Variants in WDR72 observed in about 807,000 individuals in gnomAD.
WDR72 encodes WD repeat domain 72.
A neutral mutation model predicts 124.2 loss-of-function variants in WDR72; 120 were observed. The ratio of observed to expected loss-of-function variants is 0.97; its 90% confidence interval spans 0.83 to 1.12. The LOEUF (loss-of-function observed/expected upper bound fraction) is 1.12, where lower values mean the gene tolerates loss of function less well. Among genes scored for constraint, WDR72 ranks in the 50% most tolerant of loss-of-function variants. The pLI, the probability that WDR72 is intolerant of heterozygous loss-of-function variation, is 0.00. For missense variants in WDR72, 1,387 were observed against 1,278.8 expected (o/e 1.08, Z -1.29); for synonymous variants, 452 against 441.7 (o/e 1.02, Z -0.29).
chr15:53,669,752 T>C (rs2015924677), intron 13 of WDR72, among the ~76,000 whole-genome samples: 1 of 152,294 alleles, frequency 6.6e-6, no homozygotes, highest in Non-Finnish European at 1.5e-5. Context: ...ACAAGGAAGA[T>C]TTCCAACAAG....
chr15:53,650,729 G>A (rs1595819751), intron 14 of WDR72, among the ~76,000 whole-genome samples: 1 of 152,002 alleles, frequency 6.6e-6, no homozygotes, highest in East Asian at 1.9e-4. Flanking sequence ...GGCACTTTGG[G>A]ATATAGGTCA....
At chr15:53,637,567 C>G (rs571763616) in intron 14 of WDR72, among the ~76,000 whole-genome samples, 1 of 152,128 alleles carries the variant, frequency 6.6e-6, no homozygotes, top group South Asian at 2.1e-4. Context: ...TTCTTTTTTC[C>G]TTTCCTGTCT....
In WDR72 at chr15:53,637,041, C is replaced by G. The variant is rs1426166619; in HGVS notation, c.1963-20798G>C. Among the ~76,000 whole-genome samples the G allele has an allele frequency of 5.3e-5, 8 of 152,292 alleles. No homozygotes were observed. The South Asian group carries it at 1.2e-3, about 24-fold the overall frequency. The stretch of plus-strand genomic sequence containing the variant: ...CATTGCCACTCCCACCATTAACCTA[C>G]TTTCTATGGCTACAGATTTTCCTTT... On this transcript the variant is annotated intron_variant, in intron 14 of 19. Coordinates refer to ENST00000360509, the MANE Select transcript of WDR72 (RefSeq NM_182758.4).
chr15:53,556,201 A>T (rs1300538900), intron 18 of WDR72, among the ~76,000 whole-genome samples: 1 of 152,140 alleles, frequency 6.6e-6, no homozygotes, highest in Non-Finnish European at 1.5e-5. Context: ...TGGAGAAAAT[A>T]TTTTACCAAC....
rs2459380 is a variant in WDR72, at chr15:53,713,047, T to A, written c.592-156A>T. 0.37 allele frequency among the ~76,000 whole-genome samples: 56,907 copies of A among 151,872 alleles called. 12,008 individuals are homozygous for A. Among genetic ancestry groups the A allele is most frequent in the Middle Eastern group, 0.6 (177 of 294 alleles). ...GAGTGTTTTGAACTAAGAAGTTACT[T>A]GGCAATAGAAGCTGTGTACCTGGGT... On this transcript the variant is annotated intron_variant, in intron 6 of 19. Transcript: ENST00000360509.
intron 17 of WDR72, among the ~76,000 whole-genome samples, chr15:53,602,559 GAAAAT>G (rs1328521688): frequency 6.7e-6 from 1 of 149,060 alleles, no homozygotes; most frequent in African/African-American, 2.5e-5. Flanking sequence ...CTGGTTTTTG[GAAAAT>G]AAAATAAAAT....
chr15:53,757,150 C>G (rs2018930393), intron 1 of WDR72, among the ~76,000 whole-genome samples: 1 of 152,174 alleles, frequency 6.6e-6, no homozygotes, highest in Non-Finnish European at 1.5e-5. Context: ...TCAAAGCTGA[C>G]CTGGGCCTAG....
At chr15:53,726,270 A>ATATATATATATATG (rs1645257674) in intron 2 of WDR72, among the ~76,000 whole-genome samples, 5 of 110,942 alleles carry the variant, frequency 4.5e-5, no homozygotes, top group African/African-American at 2.2e-4. Flanking sequence ...GTGTGTATAT[A>ATATATATATATATG]TATATATATA....
chr15:53,526,815 C>T (rs1392355348), intron 18 of WDR72, among the ~76,000 whole-genome samples: 2 of 152,016 alleles, frequency 1.3e-5, no homozygotes, highest in African/African-American at 4.8e-5. Flanking sequence ...TTAAAATCAA[C>T]TGTTTATTTC....
rs562909038 is a variant in WDR72, at chr15:53,743,907, G to A, written c.-12-10746C>T. ...GGAGAATGGCGTGAACCCGGGAGGCGGAGCTTGCAGTGAGCTGAGATCGCG... is the reference window on the plus strand; with the variant it reads ...GGAGAATGGCGTGAACCCGGGAGGCAGAGCTTGCAGTGAGCTGAGATCGCG... On this transcript the variant is annotated intron_variant, in intron 1 of 19. Coordinates refer to ENST00000360509, the MANE Select transcript of WDR72 (RefSeq NM_182758.4). Among the ~76,000 whole-genome samples, 161 of 151,872 alleles carry A rather than the reference G, an allele frequency of 1.1e-3. 1 individual carries two copies. The highest frequency in any genetic ancestry group is 1.7e-3 in the Non-Finnish European group (115 of 67,974).
At chr15:53,668,947 C>CAGGAGG (rs143700484) in intron 13 of WDR72, among the ~76,000 whole-genome samples, 6 of 83,790 alleles carry the variant, frequency 7.2e-5, no homozygotes, top group African/African-American at 1.7e-4. Flanking sequence ...GGAGGAGGAG[C>CAGGAGG]AGGAGGAGGA....
At chr15:53,621,919 A>G (rs374780368) in intron 14 of WDR72, among the ~76,000 whole-genome samples, 1 of 152,130 alleles carries the variant, frequency 6.6e-6, no homozygotes, top group African/African-American at 2.4e-5. Context: ...ACTTAAACAA[A>G]TTTACAAGAA....
upstream of WDR72, among the ~76,000 whole-genome samples, chr15:53,762,255 T>C (rs1295978599): frequency 6.6e-6 from 1 of 152,204 alleles, no homozygotes; most frequent in East Asian, 1.9e-4. Flanking sequence ...CAGTGTTTCC[T>C]ACTAGAGCAC....
intron 18 of WDR72, among the ~76,000 whole-genome samples, chr15:53,592,596 A>G (rs1459944614): frequency 6.6e-6 from 1 of 152,120 alleles, no homozygotes; most frequent in Non-Finnish European, 1.5e-5. Context: ...CATGCAATAA[A>G]GATTATTTGC....
intron 1 of WDR72, among the ~76,000 whole-genome samples, chr15:53,749,518 T>C (rs1211699973): frequency 6.6e-6 from 1 of 152,114 alleles, no homozygotes; most frequent in Admixed American, 6.6e-5. Flanking sequence ...CAAAACACTA[T>C]TAAAATTAGG....
Position 53,629,191 on chromosome 15 carries a change from C to CGAGA in WDR72, c.1963-12952_1963-12949dup, listed in dbSNP as rs5812700. On this transcript the variant is annotated intron_variant, in intron 14 of 19. Transcript: ENST00000360509. ...CAATATCAGCTGAGGAGAGAGACAG[C>CGAGA]GAGAGAGAGAGAGAGAGAGAGTGAG... Among the ~76,000 whole-genome samples the CGAGA allele has an allele frequency of 5.8e-4, 79 of 135,784 alleles. 1 individual carries two copies. Among genetic ancestry groups the CGAGA allele is most frequent in the South Asian group, 9.6e-4 (4 of 4,164 alleles). 89.1% of individuals were successfully genotyped at this position (135,784 alleles called of 152,430 possible).
chr15:53,572,067 G>C (rs576604439), intron 18 of WDR72, among the ~76,000 whole-genome samples: 1 of 151,844 alleles, frequency 6.6e-6, no homozygotes, highest in Non-Finnish European at 1.5e-5. Flanking sequence ...TGGATTATTT[G>C]TTCTCTTGTT....
At chr15:53,741,174 A>C (rs979708993) in intron 1 of WDR72, among the ~76,000 whole-genome samples, 9 of 152,232 alleles carry the variant, frequency 5.9e-5, no homozygotes, top group African/African-American at 2.2e-4. Flanking sequence ...AGACTCACGT[A>C]TGATAAAACA....
intron 18 of WDR72, among the ~76,000 whole-genome samples, chr15:53,580,918 T>C (rs1228557252): frequency 6.6e-6 from 1 of 151,128 alleles, no homozygotes; most frequent in Non-Finnish European, 1.5e-5. Context: ...GGGAATTACA[T>C]AATTGCCTGA....
Sources: gnomAD v4.1 joint callset for allele counts (sites outside exome capture counted in the v4.1 genomes callset) on GRCh38, gnomAD v4.1.1 for gene constraint, MANE v1.5 for transcripts, NCBI Gene and HGNC (gene_info 2026-07-23, HGNC 2026-07-21) for gene names.